Variants in MECOM observed in about 807,000 individuals in gnomAD.
MECOM encodes the protein MDS1 and EVI1 complex locus, also known as histone-lysine N-methyltransferase MECOM.
MECOM carries 13 observed loss-of-function variants against 116.3 expected under a neutral mutation model. That is an observed-to-expected ratio of 0.11 (90% CI 0.07 to 0.18). The LOEUF is 0.18. Among genes scored for constraint, MECOM ranks in the 10% least tolerant of loss-of-function variants. The pLI is 1.00. For missense variants in MECOM, 1,299 were observed against 1,509.0 expected, an observed-to-expected ratio of 0.86 and a Z score of 2.31; for synonymous variants, 528 against 535.2, an observed-to-expected ratio of 0.99 and a Z score of 0.19.
At chr3:169,302,797 G>A (rs1432045506) in intron 2 of MECOM, among the ~76,000 whole-genome samples, 1 of 151,976 alleles carries the variant, frequency 6.6e-6, no homozygotes, top group Non-Finnish European at 1.5e-5. Flanking sequence ...CCAGGAGACA[G>A]AGATTGCAAT....
intron 10 of MECOM, among the ~76,000 whole-genome samples, chr3:169,106,063 C>T (rs1725306260): frequency 6.6e-6 from 1 of 152,136 alleles, no homozygotes; most frequent in East Asian, 1.9e-4. Context: ...AATTATGTGA[C>T]CTAATGTTTT....
chr3:169,132,163 T>C (rs1324798731), intron 3 of MECOM, among the ~76,000 whole-genome samples: 1 of 152,236 alleles, frequency 6.6e-6, no homozygotes, highest in Non-Finnish European at 1.5e-5. Flanking sequence ...GTAGGCATTA[T>C]GCATTTTATT....
chr3:169,231,976 TG>T (rs1753459064), intron 2 of MECOM, among the ~76,000 whole-genome samples: 1 of 152,148 alleles, frequency 6.6e-6, no homozygotes, highest in African/African-American at 2.4e-5. Context: ...CATTTGAGAC[TG>T]GATGATGTCA....
At chr3:169,607,016 G>C (rs1296205118) in intron 1 of MECOM, among the ~76,000 whole-genome samples, 1 of 152,154 alleles carries the variant, frequency 6.6e-6, no homozygotes. Flanking sequence ...AATAGATATT[G>C]GGAGAAAATT....
At chr3:169,458,589 A>G (rs1367981968) in intron 1 of MECOM, among the ~76,000 whole-genome samples, 1 of 152,182 alleles carries the variant, frequency 6.6e-6, no homozygotes, top group Non-Finnish European at 1.5e-5. Context: ...GTGCACTCAC[A>G]TTTAGAAATG....
intron 2 of MECOM, among the ~76,000 whole-genome samples, chr3:169,228,103 G>T (rs981150740): frequency 2.0e-5 from 3 of 152,166 alleles, no homozygotes; most frequent in Non-Finnish European, 4.4e-5. Context: ...CAAGCAATCT[G>T]ATTACAACAG....
At position 169,417,278 on chromosome 3, in the gene MECOM, C is replaced by A. The variant is rs1738822519; in HGVS notation, c.38-35754G>T. On this transcript the variant is annotated intron_variant, in intron 1 of 16. Coordinates refer to ENST00000651503, the MANE Select transcript of MECOM (RefSeq NM_004991.4). ...ATTTACAAGAAAAAAACAAACAACC[C>A]CATCAAAAAGTGGGCGAAGGACATG... is the stretch of plus-strand genomic sequence containing the variant. Among the ~76,000 whole-genome samples, 3 of 148,942 alleles carry A rather than the reference C, an allele frequency of 2.0e-5. No individual in the cohort carries two copies. In the Admixed American group the frequency reaches 2.0e-4, roughly 10 times the overall value.
chr3:169,437,611 A>G (rs573496732), intron 1 of MECOM, among the ~76,000 whole-genome samples: 56 of 152,270 alleles, frequency 3.7e-4, no homozygotes, highest in Admixed American at 1.9e-3. Context: ...CCTTCTTTAT[A>G]TATTTCCCTC....
At chr3:169,220,723 C>A (rs1158463857) in intron 2 of MECOM, among the ~76,000 whole-genome samples, 1 of 152,170 alleles carries the variant, frequency 6.6e-6, no homozygotes, top group Admixed American at 6.5e-5. Context: ...GATCCACCCA[C>A]CTGGGTCTTC....
intron 1 of MECOM, among the ~76,000 whole-genome samples, chr3:169,415,480 G>A (rs1316247786): frequency 6.6e-6 from 1 of 152,038 alleles, no homozygotes; most frequent in Non-Finnish European, 1.5e-5. Flanking sequence ...ATCAACTAAT[G>A]GACAAACTAA....
intron 2 of MECOM, among the ~76,000 whole-genome samples, chr3:169,287,235 G>A (rs1480377219): frequency 6.6e-6 from 1 of 152,178 alleles, no homozygotes; most frequent in Non-Finnish European, 1.5e-5. Context: ...GATGGAGAGG[G>A]CCTGAAAGAA....
intron 10 of MECOM, among the ~76,000 whole-genome samples, chr3:169,103,405 T>G (rs1442008343): frequency 6.6e-6 from 1 of 152,122 alleles, no homozygotes; most frequent in Non-Finnish European, 1.5e-5. Flanking sequence ...AAAAACAAAC[T>G]TTCAGGCCAT....
intron 1 of MECOM, among the ~76,000 whole-genome samples, chr3:169,583,456 C>T (rs890408756): frequency 3.3e-5 from 5 of 152,068 alleles, no homozygotes; most frequent in Admixed American, 6.6e-5. Flanking sequence ...CTCTCTCTCC[C>T]CCTCTATCTC....
At chr3:169,654,332 G>A (rs534673036) in intron 1 of MECOM, among the ~76,000 whole-genome samples, 17 of 152,184 alleles carry the variant, frequency 1.1e-4, no homozygotes, top group South Asian at 2.1e-4. Flanking sequence ...CATGTTACCC[G>A]AACATATATG....
intron 2 of MECOM, among the ~76,000 whole-genome samples, chr3:169,308,806 G>A (rs1437056001): frequency 6.6e-6 from 1 of 152,158 alleles, no homozygotes; most frequent in Non-Finnish European, 1.5e-5. Context: ...GAGTGAGCTT[G>A]TTATGATCAA....
At chr3:169,517,984 G>A (rs1267847556) in intron 1 of MECOM, among the ~76,000 whole-genome samples, 1 of 152,146 alleles carries the variant, frequency 6.6e-6, no homozygotes, top group African/African-American at 2.4e-5. Flanking sequence ...ACAGGGCCGG[G>A]CGCTATGGCT....
intron 1 of MECOM, among the ~76,000 whole-genome samples, chr3:169,625,566 A>G (rs561071455): frequency 6.6e-6 from 1 of 152,234 alleles, no homozygotes; most frequent in Non-Finnish European, 1.5e-5. Flanking sequence ...TCACTGTGTA[A>G]GAAATAGAAA....
At chr3:169,263,885 T>C (rs1757938725) in intron 2 of MECOM, among the ~76,000 whole-genome samples, 1 of 151,938 alleles carries the variant, frequency 6.6e-6, no homozygotes, top group Non-Finnish European at 1.5e-5. Context: ...AATTATATAG[T>C]ATGTTGGTAG....
chr3:169,643,032 G>T (rs1173472675), intron 1 of MECOM, among the ~76,000 whole-genome samples: 8 of 152,180 alleles, frequency 5.3e-5, no homozygotes, highest in Non-Finnish European at 1.2e-4. Flanking sequence ...AGTCAGGGCT[G>T]CAAAGGAGAG....
Sources: gnomAD v4.1 joint callset for allele counts (sites outside exome capture counted in the v4.1 genomes callset) on GRCh38, gnomAD v4.1.1 for gene constraint, MANE v1.5 for transcripts, NCBI Gene and HGNC (gene_info 2026-07-23, HGNC 2026-07-21) for gene names.